The following JCAD variants were observed in gnomAD, a reference collection of about 807,000 sequenced individuals.
The protein encoded by JCAD is junctional cadherin 5-associated protein.
Under a neutral mutation model 98.0 loss-of-function variants are expected in JCAD, and 40 were observed. That is an observed-to-expected ratio of 0.41 (90% CI 0.32 to 0.53). JCAD has a LOEUF of 0.53. Among genes scored for constraint, JCAD ranks in the 20% least tolerant of loss-of-function variants. The pLI, the probability that JCAD is intolerant of heterozygous loss-of-function variation, is 0.31. For synonymous variants in JCAD, 691 were observed against 682.3 expected (o/e 1.01, Z -0.20); for missense variants, 1,705 against 1,738.1 (o/e 0.98, Z 0.34).
chr10:30,019,773 C>T (rs1455789245), intron 3 of JCAD, among the ~76,000 whole-genome samples: 1 of 152,004 alleles, frequency 6.6e-6, no homozygotes, highest in African/African-American at 2.4e-5. Flanking sequence ...ATGTTCTCAG[C>T]ACACACTCAA....
Position 30,027,726 on chromosome 10 carries a change from C to T in JCAD, c.2422G>A (p.Gly808Ser). ...KREVVKGEPT[G>S]PCNSKQLFGQ... Reference sequence around the variant, plus strand: ...AAGAGTTGTTTACTGTTGCAAGGGCCCGTGGGCTCCCCCTTCACCACCTCC... The same window carrying T: ...AAGAGTTGTTTACTGTTGCAAGGGCTCGTGGGCTCCCCCTTCACCACCTCC... Residue 808 changes from glycine to serine, a missense_variant, in exon 3 of 4, where the codon GGC becomes AGC. Gly to Ser is a moderately conservative substitution (Grantham distance 56). Around this residue, in one of 3 missense-constraint regions of JCAD, gnomAD observed 1,278 missense variants for 1,243.1 expected, o/e 1.03. Coordinates refer to ENST00000375377, the MANE Select transcript of JCAD (RefSeq NM_020848.4). 2 of 1,614,244 alleles carry T rather than the reference C, an allele frequency of 1.2e-6. No individual in the cohort carries two copies. The highest frequency in any genetic ancestry group is 1.7e-6 in the Non-Finnish European group (2 of 1,180,048).
chr10:30,100,603 C>T lies in JCAD; in HGVS notation n.128+14764G>A, dbSNP rs1012697328. 5.3e-5 allele frequency among the ~76,000 whole-genome samples: 8 copies of T among 152,244 alleles called. No homozygotes were observed. The East Asian group carries it at 9.7e-4, about 18-fold the overall frequency. ...TTCACCAAGTTGGCCACGCTGGTCT[C>T]GAACTCCGAACCTCAGGTGATCTGC... On this transcript the variant is annotated intron_variant and non_coding_transcript_variant, in intron 1 of 2. Transcript: ENST00000465712.
intron 1 of JCAD, among the ~76,000 whole-genome samples, chr10:30,058,695 A>G (rs1283535327): frequency 2.0e-5 from 3 of 152,096 alleles, no homozygotes; most frequent in Non-Finnish European, 2.9e-5. Flanking sequence ...AGACGGGGGA[A>G]GTAGAGGGTG....
Position 30,108,965 on chromosome 10 carries a change from G to A in JCAD, n.128+6402C>T, listed in dbSNP as rs1360495787. The stretch of plus-strand genomic sequence containing the variant: ...TTTTCTCTGTCCTGAATCTGTAGGA[G>A]GTGGAGCTTGGAGTCCTTGGCCCAA... On this transcript the variant is annotated intron_variant and non_coding_transcript_variant, in intron 1 of 2. Coordinates refer to the JCAD transcript ENST00000465712. 2.6e-5 allele frequency among the ~76,000 whole-genome samples: 4 copies of A among 152,194 alleles called. No homozygotes were observed. In the East Asian group the frequency reaches 7.7e-4, roughly 29 times the overall value.
At position 30,015,649 on chromosome 10, in the gene JCAD, C is replaced by T. The variant is rs1299457473; in HGVS notation, c.*2234G>A. On this transcript the variant is annotated 3_prime_UTR_variant, in exon 4 of 4. Transcript: ENST00000375377. ...ACAACAGTTTTTCTTCCTTGGGGATCCTTCTCTTTCTCTTGAGGAATGAGC... is the reference window on the plus strand; with the variant it reads ...ACAACAGTTTTTCTTCCTTGGGGATTCTTCTCTTTCTCTTGAGGAATGAGC... 1 of 152,122 alleles carries T rather than the reference C, an allele frequency of 6.6e-6. No homozygotes were observed. The highest frequency in any genetic ancestry group is 2.4e-5 in the African/African-American group (1 of 41,426). The allele number at this position is 152,122 out of a possible 1,614,324, so 9.4% of individuals were successfully genotyped here. A position where few individuals can be genotyped will look rare whatever the true frequency, so the allele number is the denominator to read the frequency against.
At chr10:30,114,826 A>AATAGATAGATAGATAGATAGATAG (rs3074824) in intron 1 of JCAD, among the ~76,000 whole-genome samples, 15 of 150,796 alleles carry the variant, frequency 9.9e-5, no homozygotes, top group African/African-American at 3.2e-4. Context: ...TTTAAAGCCG[A>AATAGATAGATAGATAGATAGATAG]ATAGATAGAT....
chr10:30,113,466 G>A (rs1045412932), intron 1 of JCAD, among the ~76,000 whole-genome samples: 1 of 140,900 alleles, frequency 7.1e-6, no homozygotes, highest in Non-Finnish European at 1.5e-5. Context: ...GAGGAGAATC[G>A]CTTGAACCCA....
Position 30,017,708 on chromosome 10 carries a change from G to T in JCAD, c.*175C>A, listed in dbSNP as rs1343596208. 1.7e-5 allele frequency: 11 copies of T among 665,666 alleles called. No individual in the cohort carries two copies. The East Asian group carries it at 2.5e-4, about 15-fold the overall frequency. The allele number at this position is 665,666 out of a possible 1,614,324, so 41.2% of individuals were successfully genotyped here. On this transcript the variant is annotated 3_prime_UTR_variant, in exon 4 of 4. Coordinates refer to ENST00000375377, the MANE Select transcript of JCAD (RefSeq NM_020848.4). ...CGGACGATTGCTTTATCGCCACAAAGCAATTCTGAGAGGATGGCAAGTTTC... is the reference window on the plus strand; with the variant it reads ...CGGACGATTGCTTTATCGCCACAAATCAATTCTGAGAGGATGGCAAGTTTC...
chr10:30,052,745 G>A (rs550221857), intron 1 of JCAD, among the ~76,000 whole-genome samples: 19 of 152,222 alleles, frequency 1.2e-4, no homozygotes, highest in South Asian at 4.2e-4. Context: ...ATAAGACCCC[G>A]TCAGCACCCT....
chr10:30,089,854 C>G (rs1289926662), intron 1 of JCAD, among the ~76,000 whole-genome samples: 1 of 152,118 alleles, frequency 6.6e-6, no homozygotes. Flanking sequence ...CTCTGCTGTA[C>G]AAAAGTGATT....
chr10:30,031,779 G>A (rs1317582875), intron 2 of JCAD, among the ~76,000 whole-genome samples: 1 of 99,044 alleles, frequency 1.0e-5, no homozygotes, highest in East Asian at 2.8e-4. Context: ...TTTTGAGACG[G>A]AGTCTTGCTC....
At chr10:30,109,003 A>T (rs1488336230) in intron 1 of JCAD, among the ~76,000 whole-genome samples, 1 of 152,116 alleles carries the variant, frequency 6.6e-6, no homozygotes, top group Non-Finnish European at 1.5e-5. Flanking sequence ...TGCTGGTTGA[A>T]ACAACGGGAG....
chr10:30,037,203 G>T (rs1323920442), intron 2 of JCAD, among the ~76,000 whole-genome samples: 4 of 152,224 alleles, frequency 2.6e-5, no homozygotes, highest in African/African-American at 9.6e-5. Context: ...TGCTCTGAAA[G>T]CTCTCTGGGC....
intron 1 of JCAD, among the ~76,000 whole-genome samples, chr10:30,084,023 A>C (rs1227323947): frequency 6.6e-6 from 1 of 151,902 alleles, no homozygotes; most frequent in Non-Finnish European, 1.5e-5. Flanking sequence ...GAAAAAAAGA[A>C]AGAAAGAGAG....
intron 2 of JCAD, among the ~76,000 whole-genome samples, chr10:30,067,753 G>A (rs906501005): frequency 1.3e-5 from 2 of 152,208 alleles, no homozygotes; most frequent in Admixed American, 1.3e-4. Context: ...GTACAGTCAT[G>A]CATCACTTAA....
At chr10:30,069,329 G>A (rs1837840128) in intron 2 of JCAD, among the ~76,000 whole-genome samples, 1 of 151,780 alleles carries the variant, frequency 6.6e-6, no homozygotes, top group African/African-American at 2.4e-5. Flanking sequence ...CAGGCACAGT[G>A]GCTCATACCT....
chr10:30,085,395 A>G (rs1838151858), intron 1 of JCAD, among the ~76,000 whole-genome samples: 1 of 152,216 alleles, frequency 6.6e-6, no homozygotes, highest in Admixed American at 6.5e-5. Context: ...GTAATAAATA[A>G]AAGACATGGT....
chr10:30,079,818 G>T (rs1589709334), intron 1 of JCAD, among the ~76,000 whole-genome samples: 1 of 152,142 alleles, frequency 6.6e-6, no homozygotes, highest in Non-Finnish European at 1.5e-5. Flanking sequence ...TTTCTCCCTT[G>T]CCTAAAACTT....
rs138085685 is a variant in JCAD, at chr10:30,048,088, G to C, written c.-59-217C>G. Among the ~76,000 whole-genome samples the C allele has an allele frequency of 3.8e-3, 579 of 152,270 alleles. 4 individuals carry two copies. Among genetic ancestry groups the C allele is most frequent in the Non-Finnish European group, 6.8e-3 (465 of 68,012 alleles). On this transcript the variant is annotated intron_variant, in intron 1 of 3. Coordinates refer to ENST00000375377, the MANE Select transcript of JCAD (RefSeq NM_020848.4). ...TGTGGCTCTGACTCTAAATGATGTG[G>C]TGGAACCCTGAGGACCTCACCCTTC...
Sources: allele counts gnomAD v4.1 joint callset (sites outside exome capture counted in the v4.1 genomes callset), GRCh38; gene constraint gnomAD v4.1.1; regional missense constraint gnomAD v4.1.1; transcripts MANE v1.5; gene names NCBI Gene and HGNC (gene_info 2026-07-23, HGNC 2026-07-21).